The following SLC33A2 variants were observed in gnomAD, a reference collection of about 807,000 sequenced individuals.
The protein encoded by SLC33A2 is major facilitator superfamily domain containing 3.
chr8:144,509,797 T>TGGCGCTGCTGCC, the SLC33A2 span: 1 of 1,546,542 alleles, frequency 6.5e-7, no homozygotes. Context: ...GGCGCGCTGC[T>TGGCGCTGCTGCC]GGCGCTGCTG....
the SLC33A2 span, chr8:144,510,645 G>A: frequency 1.0e-5 from 16 of 1,561,360 alleles, no homozygotes; most frequent in Non-Finnish European, 1.2e-5. Flanking sequence ...CGCCTCGGGG[G>A]CCTAGCCTGT....
chr8:144,510,611 C>T, the SLC33A2 span: 1 of 1,579,766 alleles, frequency 6.3e-7, no homozygotes, highest in Non-Finnish European at 8.6e-7. Flanking sequence ...ACTGCTGCCT[C>T]TGTTGAGGTC....
chr8:144,509,769 G>A, the SLC33A2 span: 1 of 1,559,430 alleles, frequency 6.4e-7, no homozygotes, highest in Non-Finnish European at 8.6e-7. Flanking sequence ...GTACAAGCTG[G>A]GGGCCGCGCT....
chr8:144,509,374 T>G, the SLC33A2 span: 1 of 1,518,074 alleles, frequency 6.6e-7, no homozygotes. Context: ...CTCTACCTGG[T>G]GCAGGGCCTG....
the SLC33A2 span, chr8:144,511,063 C>T: frequency 6.2e-7 from 1 of 1,607,436 alleles, no homozygotes; most frequent in East Asian, 2.2e-5. Flanking sequence ...GGCCGGAGGC[C>T]TGGCTGATGG....
At chr8:144,510,163 G>A in the SLC33A2 span, 1 of 1,279,594 alleles carries the variant, frequency 7.8e-7, no homozygotes, top group Non-Finnish European at 1.1e-6. Flanking sequence ...GGGCTCTGCA[G>A]CTGGGCCTTG....
chr8:144,510,466 C>CGCTGA, the SLC33A2 span: 1 of 1,612,866 alleles, frequency 6.2e-7, no homozygotes, highest in Non-Finnish European at 8.5e-7. Context: ...TCTGCTCCAT[C>CGCTGA]GCTGGCTCCT....
the SLC33A2 span, chr8:144,509,282 G>A: frequency 7.1e-6 from 10 of 1,416,940 alleles, no homozygotes; most frequent in Non-Finnish European, 8.2e-6. Flanking sequence ...CTCGCCTTGC[G>A]GGACCCCACC....
At chr8:144,509,600 T>G in the SLC33A2 span, 7 of 1,545,772 alleles carry the variant, frequency 4.5e-6, no homozygotes, top group Non-Finnish European at 6.1e-6. Context: ...GGCTGCCCCC[T>G]CCTGGAGCTG....
At chr8:144,510,407 G>T in the SLC33A2 span, 1 of 1,612,782 alleles carries the variant, frequency 6.2e-7, no homozygotes, top group Non-Finnish European at 8.5e-7. Flanking sequence ...GCTGGACCAC[G>T]GCGTTTCTGC....
the SLC33A2 span, chr8:144,509,399 G>C: frequency 4.6e-6 from 7 of 1,527,074 alleles, no homozygotes; most frequent in Non-Finnish European, 4.4e-6. Context: ...ACGGGCTCCA[G>C]TCCGGCCTCC....
chr8:144,510,888 C>T, the SLC33A2 span: 2 of 1,606,760 alleles, frequency 1.2e-6, no homozygotes, highest in Admixed American at 1.7e-5. Flanking sequence ...GCCAGCTGGC[C>T]CCCAGGGCCC....
the SLC33A2 span, chr8:144,510,207 T>G: frequency 7.5e-7 from 1 of 1,332,118 alleles, no homozygotes; most frequent in Non-Finnish European, 1.0e-6. Flanking sequence ...GCCCCATCCC[T>G]GAGCGCTCTC....
the SLC33A2 span, chr8:144,510,363 A>T: frequency 6.2e-7 from 1 of 1,612,018 alleles, no homozygotes; most frequent in East Asian, 2.2e-5. Flanking sequence ...ACCCAAGGTG[A>T]GCAGGGTGCC....
At chr8:144,510,824 A>G in the SLC33A2 span, 2 of 1,611,262 alleles carry the variant, frequency 1.2e-6, no homozygotes, top group Non-Finnish European at 1.7e-6. Context: ...TGTCTGCAGC[A>G]CTTCTTGGGA....
the SLC33A2 span, chr8:144,509,397 C>A: frequency 6.6e-7 from 1 of 1,526,154 alleles, no homozygotes; most frequent in Non-Finnish European, 8.7e-7. Flanking sequence ...CTACGGGCTC[C>A]AGTCCGGCCT....
chr8:144,509,109 C>T, the SLC33A2 span: 191 of 459,066 alleles, frequency 4.2e-4, no homozygotes, highest in Non-Finnish European at 6.1e-4. Context: ...GGTGTCCGGA[C>T]CGCTCGCCCC....
chr8:144,509,533 G>A, the SLC33A2 span: 1 of 1,523,522 alleles, frequency 6.6e-7, no homozygotes, highest in South Asian at 1.2e-5. Context: ...GGCTCGGCGA[G>A]GGCCTGGGTG....
At chr8:144,510,696 G>A in the SLC33A2 span, 2 of 1,570,530 alleles carry the variant, frequency 1.3e-6, no homozygotes, top group South Asian at 1.2e-5. Flanking sequence ...CTGGGGGCCA[G>A]CATGGACGCT....
Sources: allele counts gnomAD v4.1 joint callset, GRCh38; gene constraint gnomAD v4.1.1; transcripts MANE v1.5; gene names NCBI Gene and HGNC (gene_info 2026-07-23, HGNC 2026-07-21).